FAM72A: variants seen among roughly 807,000 people sequenced by gnomAD.
FAM72A encodes the protein protein FAM72A.
A neutral mutation model predicts 11.3 loss-of-function variants in FAM72A; 1 was observed. That is an observed-to-expected ratio of 0.09 (90% CI 0.03 to 0.42). The LOEUF (loss-of-function observed/expected upper bound fraction) is 0.42. Among genes scored for constraint, FAM72A ranks in the 10% least tolerant of loss-of-function variants. FAM72A has a pLI of 0.98. For synonymous variants in FAM72A, 5 were observed against 46.9 expected, an observed-to-expected ratio of 0.11 and a Z score of 3.65; for missense variants, 15 against 135.5, an observed-to-expected ratio of 0.11 and a Z score of 4.41.
upstream of FAM72A, chr1:206,203,496 C>T: frequency 2.1e-6 from 1 of 478,256 alleles, no homozygotes; most frequent in East Asian, 3.2e-5. Flanking sequence ...AAGGGGTGGG[C>T]TCTACTTCCC....
At chr1:206,205,280 G>T (rs1311027853), upstream of FAM72A, 1 of 144,208 alleles carries the variant, frequency 6.9e-6, no homozygotes, top group Non-Finnish European at 1.5e-5. Context: ...TCCCCACCTC[G>T]TAGCGCCAGG....
intron 3 of FAM72A, 63 bp from the exon 4 acceptor site, chr1:206,187,436 T>G: frequency 1.9e-6 from 3 of 1,570,554 alleles, no homozygotes; most frequent in Non-Finnish European, 2.6e-6. Flanking sequence ...GAACACGAAT[T>G]ACGAAACTTT....
At chr1:206,191,885 T>C (rs1664826005) in intron 3 of FAM72A, among the ~76,000 whole-genome samples, 1 of 151,350 alleles carries the variant, frequency 6.6e-6, no homozygotes, top group Non-Finnish European at 1.5e-5. Flanking sequence ...CAAGTGATCA[T>C]TGGTCTTGGC....
At chr1:206,198,157 A>G (rs1571535378) in intron 2 of FAM72A, among the ~76,000 whole-genome samples, 1 of 150,326 alleles carries the variant, frequency 6.7e-6, no homozygotes, top group South Asian at 2.1e-4. Flanking sequence ...TGAGCTCAGG[A>G]GTTTGAGAGC....
intron 2 of FAM72A, among the ~76,000 whole-genome samples, chr1:206,197,198 A>G (rs1468016396): frequency 6.6e-6 from 1 of 152,276 alleles, no homozygotes; most frequent in Non-Finnish European, 1.5e-5. Context: ...AGTATCTACT[A>G]TCTTTCAGGC....
chr1:206,199,134 T>TTTGG (rs1187655546), intron 2 of FAM72A, among the ~76,000 whole-genome samples: 90 of 143,802 alleles, frequency 6.3e-4, no homozygotes, highest in Non-Finnish European at 1.2e-3. Context: ...GGCTCATACC[T>TTTGG]GTAATCCCAG....
At chr1:206,191,004 TA>T (rs1664757729) in intron 3 of FAM72A, among the ~76,000 whole-genome samples, 1 of 147,824 alleles carries the variant, frequency 6.8e-6, no homozygotes, top group Non-Finnish European at 1.5e-5. Context: ...AAATCCCCTT[TA>T]AAAATTGGTA....
rs1456435656 is a variant in FAM72A, at chr1:206,200,273, T to C, written c.153-389A>G. Among the ~76,000 whole-genome samples the C allele has an allele frequency of 1.3e-5, 2 of 151,128 alleles. 1 individual carries two copies. The highest frequency in any genetic ancestry group is 2.9e-5 in the Non-Finnish European group (2 of 67,946). ...GAACTGCTGGATCAGATAGTAATTCTACGCTTGATTTAGCACAAATTTTGT... is the reference window on the plus strand; with the variant it reads ...GAACTGCTGGATCAGATAGTAATTCCACGCTTGATTTAGCACAAATTTTGT... On this transcript the variant is annotated intron_variant, in intron 1 of 3. Transcript: ENST00000367128.
At chr1:206,198,643 G>T (rs117886975) in intron 2 of FAM72A, among the ~76,000 whole-genome samples, 1 of 151,636 alleles carries the variant, frequency 6.6e-6, no homozygotes, top group Non-Finnish European at 1.5e-5. Flanking sequence ...ATAATAACAC[G>T]TCTACTCAAA....
intron 3 of FAM72A, among the ~76,000 whole-genome samples, chr1:206,191,718 A>G (rs1181155250): frequency 5.1e-5 from 7 of 136,258 alleles, no homozygotes; most frequent in African/African-American, 2.2e-4. Flanking sequence ...TTCTTACTAA[A>G]ATATTATTTT....
upstream of FAM72A, chr1:206,205,158 C>G (rs1665799289): frequency 6.6e-6 from 1 of 152,270 alleles, no homozygotes. Context: ...GCCGAGGTGC[C>G]GCAGTCCCCG....
At chr1:206,191,482 G>A (rs1206253739) in intron 3 of FAM72A, among the ~76,000 whole-genome samples, 17 of 149,264 alleles carry the variant, frequency 1.1e-4, no homozygotes, top group African/African-American at 3.7e-4. Context: ...TTAGCTGGGC[G>A]TATGCCTGTA....
intron 3 of FAM72A, among the ~76,000 whole-genome samples, chr1:206,193,684 G>A (rs1553297940): frequency 6.6e-6 from 1 of 152,050 alleles, no homozygotes; most frequent in Non-Finnish European, 1.5e-5. Context: ...AATTTCTAGG[G>A]TTCTTAGGAA....
rs1461707887 is a variant in FAM72A, at chr1:206,197,790, T to C, written c.231-1914A>G. 4.7e-5 allele frequency among the ~76,000 whole-genome samples: 7 copies of C among 148,030 alleles called. No individual in the cohort carries two copies. The Admixed American group carries it at 4.7e-4, about 10-fold the overall frequency. ...TTAACTGGGCATGGTGGCACGTGCC[T>C]GTAGTCCCAGCTACTCGGGAGGCAG... On this transcript the variant is annotated intron_variant, in intron 2 of 3. Transcript: ENST00000367128.
chr1:206,196,676 GT>G, intron 2 of FAM72A, among the ~76,000 whole-genome samples: 1 of 124,712 alleles, frequency 8.0e-6, no homozygotes, highest in South Asian at 2.7e-4. Context: ...TTTAGTCTCA[GT>G]GTTTTTGAAG....
chr1:206,191,737 T>TACTAAAATA, intron 3 of FAM72A, among the ~76,000 whole-genome samples: 1 of 144,242 alleles, frequency 6.9e-6, no homozygotes, highest in African/African-American at 2.6e-5. Flanking sequence ...TTTTTTTTTT[T>TACTAAAATA]TTTTTTTTGA....
upstream of FAM72A, chr1:206,203,781 C>G: frequency 1.3e-6 from 2 of 1,519,348 alleles, no homozygotes; most frequent in Non-Finnish European, 1.8e-6. Flanking sequence ...GCGGTGCCGC[C>G]CGGAATCCCT....
chr1:206,194,887 TA>T (rs1664997929), intron 3 of FAM72A, among the ~76,000 whole-genome samples: 1 of 81,768 alleles, frequency 1.2e-5, no homozygotes, highest in Non-Finnish European at 2.4e-5. Flanking sequence ...ATAATTTTTG[TA>T]TTTTTTTTGT....
intron 3 of FAM72A, among the ~76,000 whole-genome samples, chr1:206,192,993 A>G (rs1283976566): frequency 1.0e-4 from 15 of 149,990 alleles, no homozygotes; most frequent in African/African-American, 3.7e-4. Context: ...GGCTCACCGC[A>G]ACCTCCGCCT....
Sources: allele counts gnomAD v4.1 joint callset (sites outside exome capture counted in the v4.1 genomes callset), GRCh38; gene constraint gnomAD v4.1.1; transcripts MANE v1.5; gene names NCBI Gene and HGNC (gene_info 2026-07-23, HGNC 2026-07-21).